NBEAL1: variants seen among roughly 807,000 people sequenced by gnomAD.
The protein encoded by NBEAL1 is neurobeachin like 1.
In NBEAL1, 273 loss-of-function variants were observed where a neutral mutation model predicts 351.3. That is an observed-to-expected ratio of 0.78 (90% CI 0.70 to 0.86). The LOEUF is 0.86. NBEAL1 is among the 40% of genes least tolerant of loss of function. The pLI is 0.00. For missense variants in NBEAL1, 2,961 were observed against 3,201.3 expected, an observed-to-expected ratio of 0.92 and a Z score of 1.81; for synonymous variants, 1,050 against 1,086.4, an observed-to-expected ratio of 0.97 and a Z score of 0.66.
chr2:203,154,148 A>G (rs572368328), intron 35 of NBEAL1, among the ~76,000 whole-genome samples: 1 of 151,866 alleles, frequency 6.6e-6, no homozygotes, highest in Non-Finnish European at 1.5e-5. Flanking sequence ...AGGCAGGAGA[A>G]TGGCATGAAC....
At chr2:203,019,527 T>TATAC (rs2060733747) in intron 2 of NBEAL1, among the ~76,000 whole-genome samples, 1 of 152,226 alleles carries the variant, frequency 6.6e-6, no homozygotes, top group Non-Finnish European at 1.5e-5. Context: ...CAAAACATTG[T>TATAC]ATACATACCT....
At chr2:203,149,311 T>C (rs2063590928) in intron 34 of NBEAL1, among the ~76,000 whole-genome samples, 163 bp downstream of exon 34, 1 of 152,128 alleles carries the variant, frequency 6.6e-6, no homozygotes, top group African/African-American at 2.4e-5. Context: ...AGGTCTGGGA[T>C]GATTCGAGGT....
In NBEAL1 at chr2:203,175,226, A is replaced by C; in HGVS notation, c.6403A>C (p.Met2135Leu). The C allele has an allele frequency of 6.2e-7, 1 of 1,614,012 alleles. No homozygotes were observed. The highest frequency in any genetic ancestry group is 8.5e-7 in the Non-Finnish European group (1 of 1,179,906). ...TCACTATTCAAATTCTGCGGGGGTCATGCACTATCTCATTCGTGTAGAACC... is the reference window on the plus strand; with the variant it reads ...TCACTATTCAAATTCTGCGGGGGTCCTGCACTATCTCATTCGTGTAGAACC... ...GTHYSNSAGV[M>L]HYLIRVEPFT... is the part of the protein sequence containing the mutation. Residue 2135 changes from methionine (M) to leucine (L), a missense_variant, in exon 42 of 56, where the codon ATG (methionine) becomes CTG (leucine). Physicochemically the swap from Met to Leu is conservative, Grantham distance 15 (BLOSUM62 2). Transcript: ENST00000683969.
At chr2:203,183,146 AT>A in intron 43 of NBEAL1, 132 bp from the exon 44 acceptor site, 1 of 481,640 alleles carries the variant, frequency 2.1e-6, no homozygotes, top group Non-Finnish European at 3.7e-6. Context: ...ATTAACTGGT[AT>A]GTACTCCAAT....
chr2:203,217,098 C>T (rs2065905305), intron 55 of NBEAL1, among the ~76,000 whole-genome samples, 155 bp from the exon 56 acceptor site: 1 of 152,226 alleles, frequency 6.6e-6, no homozygotes, highest in Non-Finnish European at 1.5e-5. Context: ...GTCACCACAC[C>T]TGGCCGTCTT....
chr2:203,115,690 A>G (rs2062677975), intron 17 of NBEAL1, among the ~76,000 whole-genome samples: 1 of 152,078 alleles, frequency 6.6e-6, no homozygotes, highest in South Asian at 2.1e-4. Context: ...TCAGCCTCCC[A>G]AAGTGCTGGG....
intron 38 of NBEAL1, among the ~76,000 whole-genome samples, chr2:203,168,348 GGC>G (rs2064202917): frequency 6.6e-6 from 1 of 152,266 alleles, no homozygotes; most frequent in Non-Finnish European, 1.5e-5. Flanking sequence ...CACTTTGGGA[GGC>G]CGAGGCGGGT....
At chr2:203,194,883 A>G (rs2065193247) in intron 47 of NBEAL1, among the ~76,000 whole-genome samples, 2 of 152,058 alleles carry the variant, frequency 1.3e-5, no homozygotes, top group Non-Finnish European at 2.9e-5. Context: ...TAGTGTAAAA[A>G]ATGTTTATGA....
At chr2:203,047,211 C>G (rs1422111559) in intron 3 of NBEAL1, among the ~76,000 whole-genome samples, 2 of 151,162 alleles carry the variant, frequency 1.3e-5, no homozygotes, top group Non-Finnish European at 2.9e-5. Flanking sequence ...CACCTCCAGC[C>G]TGGGCAACAA....
intron 37 of NBEAL1, among the ~76,000 whole-genome samples, 197 bp from the exon 38 acceptor site, chr2:203,167,030 A>G (rs2064154430): frequency 6.6e-6 from 1 of 152,228 alleles, no homozygotes; most frequent in Admixed American, 6.5e-5. Flanking sequence ...ATGGGAAGGC[A>G]GTAGAATAGT....
Position 203,208,747 on chromosome 2 carries a change from A to G in NBEAL1, c.7617A>G (p.Gly2539=). Residue 2539 remains glycine (G), a synonymous_variant, in exon 52 of 56, where the codon GGA becomes GGG. Transcript: ENST00000683969. ...ISTELDMAVS[G]SRDGTVIIHT... is the part of the protein sequence containing the mutation. ...CTGAGCTAGACATGGCAGTGTCAGG[A>G]TCAAGGGTAAGATTTCACCTTTAAG... 6.3e-7 allele frequency: 1 copy of G among 1,585,594 alleles called. No homozygotes were observed. The highest frequency in any genetic ancestry group is 1.2e-5 in the South Asian group (1 of 85,910).
In NBEAL1 at chr2:203,135,751, A is replaced by G. The variant is rs959552638; in HGVS notation, c.3888A>G (p.Leu1296=). 3.1e-6 allele frequency: 5 copies of G among 1,589,262 alleles called. No homozygotes were observed. The highest frequency in any genetic ancestry group is 4.3e-6 in the Non-Finnish European group (5 of 1,166,540). ...ISQQVGWQDT[L]VRLFLKAKFE... ...AGCAAGTGGGTTGGCAAGACACCTT[A>G]GTTAGGCTTTTTTTAAAAGCAAAAT... is the stretch of plus-strand genomic sequence containing the variant. The change falls in exon 28 of 56, where the codon TTA becomes TTG. Residue 1296 remains leucine, a synonymous_variant. Coordinates refer to ENST00000683969, the MANE Select transcript of NBEAL1 (RefSeq NM_001378026.1).
At chr2:203,209,382 A>C in intron 53 of NBEAL1, 60 bp downstream of exon 53, 1 of 1,223,062 alleles carries the variant, frequency 8.2e-7, no homozygotes, top group Non-Finnish European at 1.2e-6. Flanking sequence ...CCCTCCCCAC[A>C]TTATAGATGA....
At chr2:203,070,610 G>A (rs1168885432) in intron 7 of NBEAL1, among the ~76,000 whole-genome samples, 1 of 152,082 alleles carries the variant, frequency 6.6e-6, no homozygotes, top group Non-Finnish European at 1.5e-5. Flanking sequence ...ATTGGCTCGT[G>A]GTTCCACAGG....
intron 4 of NBEAL1, 134 bp downstream of exon 4, chr2:203,050,109 A>T: frequency 1.3e-6 from 1 of 742,344 alleles, no homozygotes; most frequent in Non-Finnish European, 2.1e-6. Flanking sequence ...GGATAACATT[A>T]GGAGAAATAC....
chr2:203,202,181 A>G (rs2065418942), intron 50 of NBEAL1, among the ~76,000 whole-genome samples: 1 of 152,202 alleles, frequency 6.6e-6, no homozygotes, highest in South Asian at 2.1e-4. Context: ...CTGTTAGGGA[A>G]GGAAAATGGA....
In NBEAL1 at chr2:203,127,793, A is replaced by G. The variant is rs1356578852; in HGVS notation, c.3261A>G (p.Lys1087=). Residue 1087 remains lysine, a synonymous_variant, in exon 24 of 56, where the codon AAA becomes AAG. Transcript: ENST00000683969. ...TTTTGTCTTTCAGGAATGGTTGTAAATATAATGAACTATCTCTAGATGATA... is the reference window on the plus strand; with the variant it reads ...TTTTGTCTTTCAGGAATGGTTGTAAGTATAATGAACTATCTCTAGATGATA... The part of the protein sequence containing the change: ...TLRIYYGNGC[K]YNELSLDDIR... 1.3e-6 allele frequency: 2 copies of G among 1,504,884 alleles called. No individual in the cohort carries two copies. Among genetic ancestry groups the G allele is most frequent in the Non-Finnish European group, 1.8e-6 (2 of 1,108,792 alleles). 93.2% of individuals were successfully genotyped at this position (1,504,884 alleles called of 1,614,324 possible). A position where few individuals can be genotyped will look rare whatever the true frequency, so the allele number is the denominator to read the frequency against.
At chr2:203,133,814 C>T (rs1283938893) in intron 27 of NBEAL1, among the ~76,000 whole-genome samples, 1 of 150,830 alleles carries the variant, frequency 6.6e-6, no homozygotes, top group South Asian at 2.1e-4. Flanking sequence ...GTTTAACTGA[C>T]AGAAAAGAAA....
At position 203,175,222 on chromosome 2, in the gene NBEAL1, G is replaced by T. The variant is rs2064462237; in HGVS notation, c.6399G>T (p.Gly2133=). 6.2e-7 allele frequency: 1 copy of T among 1,613,544 alleles called. No individual in the cohort carries two copies. Among genetic ancestry groups the T allele is most frequent in the East Asian group, 2.2e-5 (1 of 44,860 alleles). The part of the protein sequence containing the change: ...HYGTHYSNSA[G]VMHYLIRVEP... ...GTACTCACTATTCAAATTCTGCGGG[G>T]GTCATGCACTATCTCATTCGTGTAG... The change falls in exon 42 of 56, where the codon GGG becomes GGT. Residue 2133 remains glycine (G), a synonymous_variant. Transcript: ENST00000683969.
Sources: allele counts gnomAD v4.1 joint callset (sites outside exome capture counted in the v4.1 genomes callset), GRCh38; gene constraint gnomAD v4.1.1; transcripts MANE v1.5; gene names NCBI Gene and HGNC (gene_info 2026-07-23, HGNC 2026-07-21).